Variants in MALRD1 observed in about 807,000 individuals in gnomAD.
MALRD1 encodes the protein MAM and LDL receptor class A domain containing 1.
Under a neutral mutation model 242.1 loss-of-function variants are expected in MALRD1, and 247 were observed. That is an observed-to-expected ratio of 1.02 (90% CI 0.92 to 1.13). The LOEUF (loss-of-function observed/expected upper bound fraction) is 1.13. MALRD1 is among the 50% of genes most tolerant of loss of function. The probability of loss-of-function intolerance (pLI) is 0.00; values close to 1 mark genes in which losing one functional copy is unlikely to be tolerated. For missense variants in MALRD1, 2,989 were observed against 2,533.1 expected, an observed-to-expected ratio of 1.18 and a Z score of -3.86; for synonymous variants, 995 against 866.6, an observed-to-expected ratio of 1.15 and a Z score of -2.60.
chr10:19,511,830 CAG>C (rs1159885265), intron 31 of MALRD1, among the ~76,000 whole-genome samples: 5 of 151,816 alleles, frequency 3.3e-5, no homozygotes, highest in Non-Finnish European at 5.9e-5. Context: ...CATTTGTAAA[CAG>C]AAAAGAAACA....
intron 1 of MALRD1, among the ~76,000 whole-genome samples, chr10:19,064,066 C>T (rs1336057040): frequency 6.6e-6 from 1 of 152,034 alleles, no homozygotes; most frequent in African/African-American, 2.4e-5. Flanking sequence ...CAACGTGGAA[C>T]CCAACTCAGG....
At chr10:19,249,115 ATTTC>A (rs1459660020) in intron 18 of MALRD1, among the ~76,000 whole-genome samples, 1 of 150,974 alleles carries the variant, frequency 6.6e-6, no homozygotes, top group Non-Finnish European at 1.5e-5. Context: ...GTGTTTATAT[ATTTC>A]TTTTAATTCA....
chr10:19,367,744 C>G (rs1845169028), intron 26 of MALRD1, among the ~76,000 whole-genome samples: 1 of 152,024 alleles, frequency 6.6e-6, no homozygotes, highest in African/African-American at 2.4e-5. Flanking sequence ...TAAGAGTTCT[C>G]TTTTCTCTGC....
intron 31 of MALRD1, among the ~76,000 whole-genome samples, chr10:19,506,865 G>C (rs1449663686): frequency 6.6e-6 from 1 of 152,086 alleles, no homozygotes; most frequent in Non-Finnish European, 1.5e-5. Context: ...TGTGTATTAG[G>C]CCATCCTTGC....
chr10:19,142,033 G>A (rs948028190), intron 10 of MALRD1, among the ~76,000 whole-genome samples: 5 of 151,798 alleles, frequency 3.3e-5, no homozygotes, highest in South Asian at 2.1e-4. Flanking sequence ...TTAGCCGGGC[G>A]TTGTGGTGGG....
intron 1 of MALRD1, among the ~76,000 whole-genome samples, chr10:19,057,064 C>T (rs76189454): frequency 0.019 from 2,915 of 152,076 alleles, 115 homozygotes; most frequent in African/African-American, 0.067. Flanking sequence ...TGTTGTTGAA[C>T]TCAGTTTGCA....
At position 19,639,088 on chromosome 10, in the gene MALRD1, C is replaced by A. The variant is rs145175900; in HGVS notation, c.6137+23165C>A. Among the ~76,000 whole-genome samples, 394 of 151,706 alleles carry A rather than the reference C, an allele frequency of 2.6e-3. 6 individuals carry two copies. The East Asian group carries it at 0.059, about 23-fold the overall frequency. ...TTAGGAAATGGAAGTATGGCATGGT[C>A]CAAAAGTTCAGATGTAGAAACACAT... On this transcript the variant is annotated intron_variant, in intron 36 of 39. Coordinates refer to ENST00000454679, the MANE Select transcript of MALRD1 (RefSeq NM_001142308.3).
chr10:19,642,045 A>G (rs773130035), intron 36 of MALRD1, among the ~76,000 whole-genome samples: 1 of 152,194 alleles, frequency 6.6e-6, no homozygotes, highest in Non-Finnish European at 1.5e-5. Flanking sequence ...TTTCTAAGAA[A>G]TATCTTCAAA....
At chr10:19,422,522 G>T (rs1161181482) in intron 28 of MALRD1, among the ~76,000 whole-genome samples, 6 of 152,136 alleles carry the variant, frequency 3.9e-5, no homozygotes, top group Admixed American at 6.5e-5. Context: ...ACTCTGTATT[G>T]TTTGTGCATA....
chr10:19,433,785 A>T (rs1339260057), intron 28 of MALRD1, among the ~76,000 whole-genome samples: 1 of 151,792 alleles, frequency 6.6e-6, no homozygotes, highest in Non-Finnish European at 1.5e-5. Context: ...GTAGACAGAC[A>T]GGGGCAAATA....
chr10:19,505,227 C>G (rs1462361958), intron 31 of MALRD1, among the ~76,000 whole-genome samples: 3 of 152,092 alleles, frequency 2.0e-5, no homozygotes, highest in African/African-American at 7.2e-5. Context: ...TACAGATATC[C>G]TAAGATCCAA....
At chr10:19,698,616 C>T (rs1347900048) in intron 38 of MALRD1, among the ~76,000 whole-genome samples, 1 of 152,116 alleles carries the variant, frequency 6.6e-6, no homozygotes, top group Non-Finnish European at 1.5e-5. Context: ...GATACCATCA[C>T]CAGCACTACC....
chr10:19,629,665 A>T (rs1475120572), intron 36 of MALRD1, among the ~76,000 whole-genome samples: 1 of 152,060 alleles, frequency 6.6e-6, no homozygotes, highest in African/African-American at 2.4e-5. Flanking sequence ...TGGCCAACGC[A>T]CTCTACTGAA....
In MALRD1 at chr10:19,616,060, A is replaced by G. The variant is rs1839141935; in HGVS notation, c.6137+137A>G. 1.0e-5 allele frequency: 6 copies of G among 581,902 alleles called. No individual in the cohort carries two copies. The South Asian group carries it at 1.6e-4, about 15-fold the overall frequency. The allele number at this position is 581,902 out of a possible 1,614,324, so 36.0% of individuals were successfully genotyped here. A position where few individuals can be genotyped will look rare whatever the true frequency, so the allele number is the denominator to read the frequency against. ...AATAGTGGATAATGGTACTATTTAC[A>G]TTTATCTGTCTGAATAAGGTAAAGG... On this transcript the variant is annotated intron_variant, in intron 36 of 39. Coordinates refer to ENST00000454679, the MANE Select transcript of MALRD1 (RefSeq NM_001142308.3).
intron 32 of MALRD1, among the ~76,000 whole-genome samples, chr10:19,558,214 A>G (rs1252917727): frequency 6.6e-6 from 1 of 151,948 alleles, no homozygotes; most frequent in Non-Finnish European, 1.5e-5. Flanking sequence ...TTCTTTCTCA[A>G]TTAGTATGCT....
At chr10:19,532,594 G>C (rs1216090480) in intron 32 of MALRD1, among the ~76,000 whole-genome samples, 3 of 152,106 alleles carry the variant, frequency 2.0e-5, no homozygotes, top group Non-Finnish European at 2.9e-5. Flanking sequence ...TTGTTTCTCA[G>C]ATTCTCTGTG....
intron 32 of MALRD1, among the ~76,000 whole-genome samples, chr10:19,551,707 T>G (rs1213919884): frequency 6.6e-6 from 1 of 152,118 alleles, no homozygotes; most frequent in Non-Finnish European, 1.5e-5. Context: ...TTTTGCCCAT[T>G]GAGTATAATA....
intron 35 of MALRD1, among the ~76,000 whole-genome samples, chr10:19,614,625 C>G (rs1174509419): frequency 1.3e-5 from 2 of 151,960 alleles, no homozygotes; most frequent in Admixed American, 1.3e-4. Context: ...CATATGAACA[C>G]AACATCAGGA....
intron 29 of MALRD1, among the ~76,000 whole-genome samples, chr10:19,451,428 C>T (rs1000387262): frequency 2.4e-4 from 36 of 151,888 alleles, no homozygotes; most frequent in Admixed American, 9.9e-4. Flanking sequence ...TACAAAACTA[C>T]CCAGAAAATG....
Sources: gnomAD v4.1 joint callset for allele counts (sites outside exome capture counted in the v4.1 genomes callset) on GRCh38, gnomAD v4.1.1 for gene constraint, MANE v1.5 for transcripts, NCBI Gene and HGNC (gene_info 2026-07-23, HGNC 2026-07-21) for gene names.